The following CCDC148 variants were observed in gnomAD, a reference collection of about 807,000 sequenced individuals.
CCDC148 encodes coiled-coil domain-containing protein 148.
CCDC148 carries 89 observed loss-of-function variants against 85.7 expected under a neutral mutation model. The observed-to-expected ratio is 1.04, with a 90% CI of 0.87 to 1.24. The LOEUF (loss-of-function observed/expected upper bound fraction) is 1.24, where lower values mean the gene tolerates loss of function less well. Among genes scored for constraint, CCDC148 ranks in the 50% most tolerant of loss-of-function variants. The pLI is 0.00. For synonymous variants in CCDC148, 230 were observed against 213.9 expected, an observed-to-expected ratio of 1.08 and a Z score of -0.66; for missense variants, 692 against 671.7, an observed-to-expected ratio of 1.03 and a Z score of -0.33.
At chr2:158,418,591 G>C (rs67602201) in intron 1 of CCDC148, among the ~76,000 whole-genome samples, 13,953 of 151,986 alleles carry the variant, frequency 0.092, 689 homozygotes, top group African/African-American at 0.12. Context: ...TTCAGGTCTT[G>C]TTTCAAAAGT....
chr2:158,231,732 G>T (rs1442901191), intron 10 of CCDC148, among the ~76,000 whole-genome samples: 1 of 152,084 alleles, frequency 6.6e-6, no homozygotes, highest in South Asian at 2.1e-4. Context: ...ACATAAGAGG[G>T]TATCATTGAT....
chr2:158,224,130 T>C (rs184414897), intron 10 of CCDC148, among the ~76,000 whole-genome samples: 1 of 152,178 alleles, frequency 6.6e-6, no homozygotes, highest in African/African-American at 2.4e-5. Flanking sequence ...TTAAAGGACC[T>C]GATGGAGCTG....
At chr2:158,285,737 C>A (rs560001245) in intron 9 of CCDC148, among the ~76,000 whole-genome samples, 31 of 151,888 alleles carry the variant, frequency 2.0e-4, no homozygotes, top group African/African-American at 7.5e-4. Context: ...GGGGTTTCAC[C>A]ATTTTAGCCA....
chr2:158,249,882 C>T lies in CCDC148; in HGVS notation c.1251+890G>A, dbSNP rs182343926. Reference sequence around the variant, plus strand: ...ATGAATTAATTAATCATTCTTGGCACTGCAAGCAGCTTTTCCAAAGAAAAG... The same window carrying T: ...ATGAATTAATTAATCATTCTTGGCATTGCAAGCAGCTTTTCCAAAGAAAAG... On this transcript the variant is annotated intron_variant, in intron 10 of 13. Transcript: ENST00000283233. 1.5e-3 allele frequency among the ~76,000 whole-genome samples: 224 copies of T among 152,224 alleles called. 1 individual carries two copies. Among genetic ancestry groups the T allele is most frequent in the African/African-American group, 5.2e-3 (215 of 41,560 alleles).
chr2:158,192,771 G>A lies in CCDC148; in HGVS notation c.1371-13775C>T, dbSNP rs1305406496. Among the ~76,000 whole-genome samples, 3 of 151,424 alleles carry A rather than the reference G, an allele frequency of 2.0e-5. No individual in the cohort carries two copies. The East Asian group carries it at 5.9e-4, about 30-fold the overall frequency. The stretch of plus-strand genomic sequence containing the variant: ...CAAGGGAAAATTCCACTTAGTCCAA[G>A]TTAAGCTGACAAAGTGGTATCAATA... On this transcript the variant is annotated intron_variant, in intron 11 of 13. Transcript: ENST00000283233.
intron 11 of CCDC148, among the ~76,000 whole-genome samples, chr2:158,189,634 T>C (rs1261787785): frequency 6.6e-6 from 1 of 152,000 alleles, no homozygotes; most frequent in African/African-American, 2.4e-5. Context: ...AGTGTGCTTA[T>C]TGCTCAGTTA....
At chr2:158,404,416 G>A (rs1230334006) in intron 1 of CCDC148, among the ~76,000 whole-genome samples, 1 of 151,966 alleles carries the variant, frequency 6.6e-6, no homozygotes, top group Non-Finnish European at 1.5e-5. Flanking sequence ...TGAGAAGGAG[G>A]AAGCGCTTGA....
intron 9 of CCDC148, among the ~76,000 whole-genome samples, chr2:158,298,576 A>T (rs1390791923): frequency 6.6e-6 from 1 of 151,908 alleles, no homozygotes; most frequent in Non-Finnish European, 1.5e-5. Context: ...TATGTGCTTC[A>T]GGTGGAATAT....
chr2:158,433,147 C>CAACTCAGG (rs1687450432), intron 1 of CCDC148, among the ~76,000 whole-genome samples: 1 of 138,128 alleles, frequency 7.2e-6, no homozygotes, highest in South Asian at 2.3e-4. Flanking sequence ...GTAGTCCCAG[C>CAACTCAGG]AACTCAGGAG....
intron 1 of CCDC148, among the ~76,000 whole-genome samples, chr2:158,430,825 T>C (rs901520167): frequency 6.6e-6 from 1 of 151,598 alleles, no homozygotes; most frequent in Non-Finnish European, 1.5e-5. Flanking sequence ...AACTTGAAAA[T>C]AGATCAAATA....
At chr2:158,266,000 T>C (rs536040441) in intron 9 of CCDC148, among the ~76,000 whole-genome samples, 1 of 152,298 alleles carries the variant, frequency 6.6e-6, no homozygotes, top group South Asian at 2.1e-4. Context: ...CAGTTAAGCA[T>C]TCATCTCTTT....
chr2:158,306,393 G>A (rs1020814939), intron 9 of CCDC148, among the ~76,000 whole-genome samples: 3 of 151,996 alleles, frequency 2.0e-5, no homozygotes, highest in Non-Finnish European at 4.4e-5. Context: ...GTTTATTGCA[G>A]CACTATTCAC....
At chr2:158,313,712 A>G (rs1692147646) in intron 8 of CCDC148, 44 bp downstream of exon 8, 2 of 1,564,152 alleles carry the variant, frequency 1.3e-6, no homozygotes, top group Non-Finnish European at 1.7e-6. Context: ...ATTGACTACT[A>G]AAACAATTTA....
intron 11 of CCDC148, among the ~76,000 whole-genome samples, chr2:158,182,367 T>C (rs1684946345): frequency 6.6e-6 from 1 of 152,112 alleles, no homozygotes; most frequent in Non-Finnish European, 1.5e-5. Flanking sequence ...TAAGTGGTCC[T>C]AAGATGTTAG....
At chr2:158,179,665 C>T (rs1161909884) in intron 11 of CCDC148, among the ~76,000 whole-genome samples, 1 of 151,996 alleles carries the variant, frequency 6.6e-6, no homozygotes, top group Non-Finnish European at 1.5e-5. Context: ...AGAAAGTTTA[C>T]ATTACTGATT....
At chr2:158,214,252 T>C (rs1686735780) in intron 11 of CCDC148, among the ~76,000 whole-genome samples, 1 of 152,184 alleles carries the variant, frequency 6.6e-6, no homozygotes, top group African/African-American at 2.4e-5. Context: ...TTTTAACTTT[T>C]ATACATTTCG....
At chr2:158,208,956 A>T (rs904476305) in intron 11 of CCDC148, among the ~76,000 whole-genome samples, 10 of 152,066 alleles carry the variant, frequency 6.6e-5, no homozygotes, top group Non-Finnish European at 1.2e-4. Flanking sequence ...TATATTTTTT[A>T]AAAAAACCCA....
At chr2:158,309,275 T>A (rs553171001) in intron 9 of CCDC148, among the ~76,000 whole-genome samples, 158 bp downstream of exon 9, 1 of 152,226 alleles carries the variant, frequency 6.6e-6, no homozygotes, top group Non-Finnish European at 1.5e-5. Flanking sequence ...GTATTTGACC[T>A]AAAAAATGCA....
chr2:158,379,579 T>C (rs1303729384), intron 1 of CCDC148, among the ~76,000 whole-genome samples: 2 of 152,092 alleles, frequency 1.3e-5, no homozygotes, highest in East Asian at 1.9e-4. Context: ...GAAGAGTCAA[T>C]TGATGTGTCA....
Sources: allele counts gnomAD v4.1 joint callset (sites outside exome capture counted in the v4.1 genomes callset), GRCh38; gene constraint gnomAD v4.1.1; transcripts MANE v1.5; gene names NCBI Gene and HGNC (gene_info 2026-07-23, HGNC 2026-07-21).